KIF26B: variants seen among roughly 807,000 people sequenced by gnomAD.
The protein encoded by KIF26B is kinesin family member 26B, also known as kinesin-like protein KIF26B.
Under a neutral mutation model 151.2 loss-of-function variants are expected in KIF26B, and 63 were observed. The ratio of observed to expected loss-of-function variants is 0.42; its 90% CI spans 0.34 to 0.51. The LOEUF is 0.51. KIF26B is among the 20% of genes least tolerant of loss of function. The probability of loss-of-function intolerance (pLI) is 0.07; values close to 1 mark genes in which losing one functional copy is unlikely to be tolerated. For synonymous variants in KIF26B, 1,357 were observed against 1,262.1 expected (o/e 1.08, Z -1.59); for missense variants, 2,813 against 2,913.6 (o/e 0.97, Z 0.79).
At chr1:245,582,484 T>C (rs1447459871) in intron 5 of KIF26B, among the ~76,000 whole-genome samples, 2 of 152,162 alleles carry the variant, frequency 1.3e-5, no homozygotes, top group African/African-American at 4.8e-5. Context: ...TGCTGAAATA[T>C]GTTTCAGCAT....
chr1:245,464,559 G>T (rs1404887629), intron 4 of KIF26B, among the ~76,000 whole-genome samples: 3 of 147,630 alleles, frequency 2.0e-5, no homozygotes, highest in African/African-American at 7.8e-5. Context: ...GTGTGTTCCT[G>T]TGTGGGTGTG....
intron 9 of KIF26B, among the ~76,000 whole-genome samples, chr1:245,631,567 A>T (rs1189609544): frequency 1.3e-5 from 2 of 152,030 alleles, no homozygotes; most frequent in Admixed American, 6.6e-5. Context: ...TTCATCAGGG[A>T]TATTGGTATC....
chr1:245,407,784 C>G (rs1674172280), intron 3 of KIF26B, among the ~76,000 whole-genome samples: 1 of 152,106 alleles, frequency 6.6e-6, no homozygotes, highest in Non-Finnish European at 1.5e-5. Context: ...ACATCCTATA[C>G]TGGTAATACT....
chr1:245,607,592 T>C (rs2103150660), intron 6 of KIF26B, 59 bp from the exon 7 acceptor site: 2 of 1,383,890 alleles, frequency 1.4e-6, no homozygotes, highest in East Asian at 2.4e-5. Flanking sequence ...CTTTCGTTGT[T>C]AGTGGTGTCT....
At position 245,577,136 on chromosome 1, in the gene KIF26B, G is replaced by A. The variant is rs75901684; in HGVS notation, c.1351-25441G>A. On this transcript the variant is annotated intron_variant, in intron 5 of 14. Transcript: ENST00000407071. ...AAAATGATCTAATCCAAACCTCTCAGTTTACAGGTGAGAAAACAAATCTAG... is the reference window on the plus strand; with the variant it reads ...AAAATGATCTAATCCAAACCTCTCAATTTACAGGTGAGAAAACAAATCTAG... 1.2e-4 allele frequency among the ~76,000 whole-genome samples: 18 copies of A among 152,278 alleles called. No individual in the cohort carries two copies. In the East Asian group the frequency reaches 2.7e-3, roughly 23 times the overall value.
intron 12 of KIF26B, among the ~76,000 whole-genome samples, chr1:245,690,619 A>G (rs2044611398): frequency 6.6e-6 from 1 of 152,218 alleles, no homozygotes. Flanking sequence ...TAGTTTTATG[A>G]TATAGACAGC....
At chr1:245,211,794 T>C (rs1020298694) in intron 2 of KIF26B, among the ~76,000 whole-genome samples, 9 of 152,370 alleles carry the variant, frequency 5.9e-5, no homozygotes, top group African/African-American at 1.9e-4. Flanking sequence ...AAGAACTTTC[T>C]AGCAGGAACC....
intron 4 of KIF26B, among the ~76,000 whole-genome samples, chr1:245,432,177 T>G (rs563727334): frequency 2.6e-5 from 4 of 152,252 alleles, no homozygotes; most frequent in African/African-American, 9.6e-5. Flanking sequence ...TGAATGAATC[T>G]CAGACAAATG....
intron 2 of KIF26B, among the ~76,000 whole-genome samples, chr1:245,359,728 A>C (rs191125178): frequency 2.2e-5 from 3 of 135,928 alleles, no homozygotes; most frequent in Admixed American, 1.6e-4. Flanking sequence ...CTTCCTTCCG[A>C]TATGGGTTTT....
chr1:245,174,704 T>G (rs1179442199), intron 2 of KIF26B, among the ~76,000 whole-genome samples: 1 of 152,144 alleles, frequency 6.6e-6, no homozygotes, highest in Admixed American at 6.5e-5. Flanking sequence ...ATCGACTCTG[T>G]GTCAGGCGCT....
intron 10 of KIF26B, among the ~76,000 whole-genome samples, chr1:245,675,258 GTGGTTT>G (rs1370452997): frequency 6.6e-6 from 1 of 152,176 alleles, no homozygotes; most frequent in African/African-American, 2.4e-5. Flanking sequence ...AGTTGTTACT[GTGGTTT>G]CATTACATTG....
At chr1:245,625,712 G>A (rs936686827) in intron 9 of KIF26B, among the ~76,000 whole-genome samples, 9 of 151,860 alleles carry the variant, frequency 5.9e-5, no homozygotes, top group African/African-American at 2.2e-4. Context: ...AAACACTACG[G>A]CTTCCTCCTT....
At chr1:245,660,816 T>C (rs2147932473) in intron 10 of KIF26B, among the ~76,000 whole-genome samples, 1 of 152,164 alleles carries the variant, frequency 6.6e-6, no homozygotes, top group East Asian at 1.9e-4. Flanking sequence ...CCATTTCTCA[T>C]TGTAATTATC....
chr1:245,183,991 GGATTTTT>G (rs1338672764), intron 2 of KIF26B, among the ~76,000 whole-genome samples: 1 of 143,206 alleles, frequency 7.0e-6, no homozygotes, highest in Non-Finnish European at 1.5e-5. Context: ...TGCTTTCATT[GGATTTTT>G]TCCTACATCT....
At chr1:245,472,367 A>G (rs1659935240) in intron 4 of KIF26B, among the ~76,000 whole-genome samples, 1 of 152,206 alleles carries the variant, frequency 6.6e-6, no homozygotes, top group African/African-American at 2.4e-5. Flanking sequence ...ACTTTATTAC[A>G]GGTTGAGTAA....
rs746363551 is a variant in KIF26B, at chr1:245,353,210, G to A, written c.466-13624G>A. On this transcript the variant is annotated intron_variant, in intron 2 of 14. Coordinates refer to ENST00000407071, the MANE Select transcript of KIF26B (RefSeq NM_018012.4). ...CTCCTGTGTGTTGGAATGACTAGAG[G>A]CAGCAGGGAGAGGGGTCCTGGTTTA... 7.7e-4 allele frequency among the ~76,000 whole-genome samples: 117 copies of A among 152,150 alleles called. 2 individuals are homozygous for A. Among genetic ancestry groups the A allele is most frequent in the Non-Finnish European group, 9.8e-4 (67 of 68,038 alleles).
intron 2 of KIF26B, among the ~76,000 whole-genome samples, chr1:245,217,363 ATT>A (rs10533175): frequency 0.77 from 89,604 of 115,962 alleles, 36,387 homozygotes; most frequent in South Asian, 0.94. Flanking sequence ...TTATTTGTTA[ATT>A]TTTTTTTTTT....
intron 2 of KIF26B, among the ~76,000 whole-genome samples, chr1:245,213,990 G>T (rs1415043086): frequency 6.6e-6 from 1 of 152,200 alleles, no homozygotes; most frequent in Non-Finnish European, 1.5e-5. Flanking sequence ...GATTTTGTTA[G>T]CAGGGAAATC....
Position 245,563,775 on chromosome 1 carries a change from C to T in KIF26B, c.1350+22825C>T, listed in dbSNP as rs2042978786. Among the ~76,000 whole-genome samples, 1 of 147,450 alleles carries T rather than the reference C, an allele frequency of 6.8e-6. No individual in the cohort carries two copies. The highest frequency in any genetic ancestry group is 1.5e-5 in the Non-Finnish European group (1 of 66,752). On this transcript the variant is annotated intron_variant, in intron 5 of 14. Transcript: ENST00000407071. The surrounding 1 kb of genome is among the most constrained non-coding windows in gnomAD (Gnocchi z 4.6). ...AGATTTAGAATATGTAACGCAATTA[C>T]CGCTGCGTTACCAGCAATCCCAAGA... is the stretch of plus-strand genomic sequence containing the variant.
Sources: gnomAD v4.1 joint callset for allele counts (sites outside exome capture counted in the v4.1 genomes callset) on GRCh38, gnomAD v4.1.1 for gene constraint, Gnocchi (gnomAD v3.1) non-coding constraint, MANE v1.5 for transcripts, NCBI Gene and HGNC (gene_info 2026-07-23, HGNC 2026-07-21) for gene names.